MIEF1: variants seen among roughly 807,000 people sequenced by gnomAD.
MIEF1 encodes mitochondrial elongation factor 1.
Under a neutral mutation model 35.1 loss-of-function variants are expected in MIEF1, and 14 were observed. That is an observed-to-expected ratio of 0.40 (90% confidence interval 0.26 to 0.62). The LOEUF is 0.62. MIEF1 is among the 20% of genes least tolerant of loss of function. MIEF1 has a pLI of 0.43. For synonymous variants in MIEF1, 245 were observed against 254.3 expected (o/e 0.96, Z 0.35); for missense variants, 542 against 615.4 (o/e 0.88, Z 1.26).
Position 39,514,606 on chromosome 22 carries a change from A to G in MIEF1, c.*283A>G. The G allele has an allele frequency of 4.3e-6, 2 of 461,542 alleles. No homozygotes were observed. Among genetic ancestry groups the G allele is most frequent in the Non-Finnish European group, 7.8e-6 (2 of 255,622 alleles). 28.6% of individuals were successfully genotyped at this position (461,542 alleles called of 1,614,324 possible). A position where few individuals can be genotyped will look rare whatever the true frequency, so the allele number is the denominator to read the frequency against. On this transcript the variant is annotated 3_prime_UTR_variant, in exon 6 of 6. Transcript: ENST00000325301. ...GAAGGTGGCGTGCTGGCCTGAGCTGATGGACCACTTGGTGTTTTGCGTTTT... is the reference window on the plus strand; with the variant it reads ...GAAGGTGGCGTGCTGGCCTGAGCTGGTGGACCACTTGGTGTTTTGCGTTTT...
At chr22:39,512,531 T>G in intron 5 of MIEF1, 37 bp downstream of exon 5, 1 of 1,580,554 alleles carries the variant, frequency 6.3e-7, no homozygotes, top group Non-Finnish European at 8.6e-7. Flanking sequence ...GGGGTTTGAG[T>G]GCTGAGCACC....
intron 1 of MIEF1, among the ~76,000 whole-genome samples, chr22:39,502,836 A>C (rs1349224607): frequency 2.6e-5 from 4 of 152,216 alleles, no homozygotes; most frequent in Non-Finnish European, 2.9e-5. Context: ...GGAGGTCCTT[A>C]GGGCCGAGGG....
intron 5 of MIEF1, among the ~76,000 whole-genome samples, chr22:39,513,015 G>A (rs1930439903): frequency 1.3e-5 from 2 of 152,108 alleles, no homozygotes; most frequent in Admixed American, 6.5e-5. Flanking sequence ...GAAGCTATAA[G>A]AGGCCTCCTC....
In MIEF1 at chr22:39,504,349, G is replaced by GA. The variant is rs150531702; in HGVS notation, c.-187dup. 5.0e-6 allele frequency: 2 copies of GA among 398,878 alleles called. No homozygotes were observed. The highest frequency in any genetic ancestry group is 8.8e-6 in the Non-Finnish European group (2 of 226,092). 24.7% of individuals were successfully genotyped at this position (398,878 alleles called of 1,614,324 possible). ...TTTGCCTCCATCCGCCGTGAATTCC[G>GA]AAAAAATCAGAAGCTAGAGGACGCT... On this transcript the variant is annotated 5_prime_UTR_variant, in exon 2 of 6. An upstream open reading frame in the 5' UTR gains an earlier in-frame stop. Coordinates refer to ENST00000325301, the MANE Select transcript of MIEF1 (RefSeq NM_019008.6).
At chr22:39,503,267 C>T (rs2145739705) in intron 1 of MIEF1, 1 of 152,288 alleles carries the variant, frequency 6.6e-6, no homozygotes, top group Non-Finnish European at 1.5e-5. Flanking sequence ...GAGATTGTTT[C>T]CTCCACTTAA....
chr22:39,508,293 T>C (rs1024155771), intron 2 of MIEF1, among the ~76,000 whole-genome samples: 2 of 152,180 alleles, frequency 1.3e-5, no homozygotes, highest in Admixed American at 1.3e-4. Context: ...ACCCACGCTC[T>C]GTTCTGTCAT....
chr22:39,504,636 C>T, intron 2 of MIEF1, 102 bp downstream of exon 2: 1 of 366,840 alleles, frequency 2.7e-6, no homozygotes, highest in Non-Finnish European at 4.8e-6. Context: ...CAGTGCAGAG[C>T]CAGGTGCACT....
rs1262154097 is a variant in MIEF1 at position 39,516,399 on chromosome 22, A to G, written c.*2076A>G. 2 of 152,228 alleles carry G rather than the reference A, an allele frequency of 1.3e-5. No individual in the cohort carries two copies. The highest frequency in any genetic ancestry group is 4.8e-5 in the African/African-American group (2 of 41,458). 9.4% of individuals were successfully genotyped at this position (152,228 alleles called of 1,614,324 possible). On this transcript the variant is annotated 3_prime_UTR_variant, in exon 6 of 6. Coordinates refer to ENST00000325301, the MANE Select transcript of MIEF1 (RefSeq NM_019008.6). ...TTCCCAAGCTTGCATCTCTGACCAAATTTCACATAAAACATTGGAAGGAGG... is the reference window on the plus strand; with the variant it reads ...TTCCCAAGCTTGCATCTCTGACCAAGTTTCACATAAAACATTGGAAGGAGG...
rs1027702234 is a variant in MIEF1 at position 39,517,306 on chromosome 22, A to C, written c.*2983A>C. On this transcript the variant is annotated 3_prime_UTR_variant, in exon 6 of 6. Transcript: ENST00000325301. ...TTCTCCTCTGTTGCCCTTCCTAAAA[A>C]ATGAGCTGAAGATGACAGTATTTTT... The C allele has an allele frequency of 1.8e-4, 41 of 224,174 alleles. No homozygotes were observed. The highest frequency in any genetic ancestry group is 3.0e-4 in the Non-Finnish European group (33 of 108,204). The allele number at this position is 224,174 out of a possible 1,614,324, so 13.9% of individuals were successfully genotyped here. A position where few individuals can be genotyped will look rare whatever the true frequency, so the allele number is the denominator to read the frequency against.
At chr22:39,508,098 T>C (rs924698073) in intron 2 of MIEF1, among the ~76,000 whole-genome samples, 14 of 152,182 alleles carry the variant, frequency 9.2e-5, no homozygotes, top group African/African-American at 3.4e-4. Context: ...GCAATACAGT[T>C]TATACCGTTC....
rs1337600892 is a variant in MIEF1 at position 39,509,156 on chromosome 22, A to G, written c.-7-2132A>G. On this transcript the variant is annotated intron_variant, in intron 2 of 5. Transcript: ENST00000325301. ...TTTTTAGTAGAGATGGGGTTTCACTATGTTGGCCAGGCTGGTCTTGAACTT... is the reference window on the plus strand; with the variant it reads ...TTTTTAGTAGAGATGGGGTTTCACTGTGTTGGCCAGGCTGGTCTTGAACTT... Among the ~76,000 whole-genome samples the G allele has an allele frequency of 5.3e-5, 8 of 152,104 alleles. No homozygotes were observed. The East Asian group carries it at 9.7e-4, about 18-fold the overall frequency.
Position 39,512,483 on chromosome 22 carries a change from G to A in MIEF1, c.574G>A (p.Asp192Asn), listed in dbSNP as rs1301122333. The change falls in exon 5 of 6, where the codon GAT becomes AAT. Residue 192 changes from aspartate (D) to asparagine (N), a missense_variant. By Grantham distance (23) the Asp-to-Asn change is conservative. Transcript: ENST00000325301. Reference sequence around the variant, plus strand: ...CATGTACTTGAGTGGCAGCCTCTACGATGACCTGCAGGTAACAAGGTGGTT... The same window carrying A: ...CATGTACTTGAGTGGCAGCCTCTACAATGACCTGCAGGTAACAAGGTGGTT... ...RDMYLSGSLY[D>N]DLQVVTADHI... 5 of 1,611,284 alleles carry A rather than the reference G, an allele frequency of 3.1e-6. No homozygotes were observed. Among genetic ancestry groups the A allele is most frequent in the African/African-American group, 2.7e-5 (2 of 74,886 alleles).
At chr22:39,502,938 G>A (rs943439785) in intron 1 of MIEF1, 5 of 152,188 alleles carry the variant, frequency 3.3e-5, no homozygotes, top group Admixed American at 3.3e-4. Flanking sequence ...AAGGGCTCGC[G>A]GACTTTGGGC....
intron 2 of MIEF1, among the ~76,000 whole-genome samples, chr22:39,507,356 C>A (rs1295942350): frequency 6.6e-6 from 1 of 151,890 alleles, no homozygotes; most frequent in Admixed American, 6.5e-5. Flanking sequence ...AGCGATTCTC[C>A]TGCCTCGGCC....
intron 2 of MIEF1, among the ~76,000 whole-genome samples, chr22:39,510,664 C>T (rs147083321): frequency 5.3e-5 from 8 of 152,320 alleles, no homozygotes; most frequent in East Asian, 3.9e-4. Context: ...TCCAAGGTCC[C>T]GCTCAGATCT....
Position 39,516,539 on chromosome 22 carries a change from C to G in MIEF1, c.*2216C>G, listed in dbSNP as rs1301724818. 6.6e-6 allele frequency: 1 copy of G among 152,054 alleles called. No individual in the cohort carries two copies. Among genetic ancestry groups the G allele is most frequent in the Non-Finnish European group, 1.5e-5 (1 of 68,016 alleles). 9.4% of individuals were successfully genotyped at this position (152,054 alleles called of 1,614,324 possible). ...CCAACATGGTGAAACCCCGTCTCCA[C>G]GAAAAAGATAAAAATAAGCTGGGCG... On this transcript the variant is annotated 3_prime_UTR_variant, in exon 6 of 6. Coordinates refer to ENST00000325301, the MANE Select transcript of MIEF1 (RefSeq NM_019008.6).
In MIEF1 at chr22:39,512,426, C is replaced by A. The variant is rs780321361; in HGVS notation, c.517C>A (p.Arg173=). Residue 173 remains arginine, a synonymous_variant, in exon 5 of 6, where the codon CGG becomes AGG. Transcript: ENST00000325301. The part of the protein sequence containing the change: ...DICAELRSFL[R]AKLPDMPLRD... ...ATGTGCCGAGCTCCGGAGCTTCCTG[C>A]GGGCCAAGTTGCCTGACATGCCGCT... is the stretch of plus-strand genomic sequence containing the variant. 6.2e-6 allele frequency: 10 copies of A among 1,614,120 alleles called. No homozygotes were observed. The highest frequency in any genetic ancestry group is 8.5e-6 in the Non-Finnish European group (10 of 1,179,998).
rs745489780 is a variant in MIEF1 at position 39,511,872 on chromosome 22, C to A, written c.168C>A (p.Ala56=). The A allele has an allele frequency of 6.2e-7, 1 of 1,613,884 alleles. No homozygotes were observed. The highest frequency in any genetic ancestry group is 8.5e-7 in the Non-Finnish European group (1 of 1,179,840). ...VKRMYDRAIS[A]PTSPTRLSHS... ...AGATGTACGATCGGGCGATCAGTGC[C>A]CCTACCAGCCCCACCCGCCTGAGCC... Residue 56 remains alanine, a synonymous_variant, in exon 4 of 6, where the codon GCC becomes GCA. Coordinates refer to ENST00000325301, the MANE Select transcript of MIEF1 (RefSeq NM_019008.6).
intron 2 of MIEF1, among the ~76,000 whole-genome samples, chr22:39,505,775 A>G (rs1929984066): frequency 6.7e-6 from 1 of 150,272 alleles, no homozygotes; most frequent in African/African-American, 2.5e-5. Flanking sequence ...AGATTGAGGG[A>G]CCGAGGGGTG....
Sources: allele counts gnomAD v4.1 joint callset (sites outside exome capture counted in the v4.1 genomes callset), GRCh38; gene constraint gnomAD v4.1.1; transcripts MANE v1.5; gene names NCBI Gene and HGNC (gene_info 2026-07-23, HGNC 2026-07-21).